MIPEP: variants seen among roughly 807,000 people sequenced by gnomAD.
The protein encoded by MIPEP is mitochondrial intermediate peptidase.
Under a neutral mutation model 90.3 loss-of-function variants are expected in MIPEP, and 79 were observed. That is an observed-to-expected ratio of 0.87 (90% confidence interval 0.73 to 1.05). The LOEUF is 1.05. Among genes scored for constraint, MIPEP ranks in the 50% least tolerant of loss-of-function variants. The probability of loss-of-function intolerance (pLI) is 0.00; values close to 1 mark genes in which losing one functional copy is unlikely to be tolerated. For missense variants in MIPEP, 940 were observed against 905.6 expected, an observed-to-expected ratio of 1.04 and a Z score of -0.49; for synonymous variants, 334 against 315.8, an observed-to-expected ratio of 1.06 and a Z score of -0.61.
At chr13:23,760,280 T>A (rs1952528209) in intron 16 of MIPEP, 63 bp from the exon 17 acceptor site, 2 of 1,608,390 alleles carry the variant, frequency 1.2e-6, no homozygotes, top group South Asian at 1.1e-5. Flanking sequence ...GAATATCACA[T>A]GTGAGAACAC....
chr13:23,730,499 C>A lies in MIPEP; in HGVS notation c.2045-54G>T, dbSNP rs577659623. The A allele has an allele frequency of 3.9e-5, 46 of 1,171,000 alleles. No individual in the cohort carries two copies. The East Asian group carries it at 1.1e-3, about 27-fold the overall frequency. 72.5% of individuals were successfully genotyped at this position (1,171,000 alleles called of 1,614,324 possible). A position where few individuals can be genotyped will look rare whatever the true frequency, so the allele number is the denominator to read the frequency against. ...GTTCACCAGGAGGCAACAGGAAGCA[C>A]AAAGACACAAAATCAAATCCACACA... On this transcript the variant is annotated intron_variant, in intron 18 of 18. Transcript: ENST00000382172.
intron 18 of MIPEP, among the ~76,000 whole-genome samples, chr13:23,756,177 G>A (rs889587913): frequency 1.3e-5 from 2 of 152,194 alleles, no homozygotes; most frequent in East Asian, 1.9e-4. Flanking sequence ...GTTTTGAGAA[G>A]GAGTTTTGCT....
At chr13:23,845,915 GT>G (rs1451824506) in intron 10 of MIPEP, among the ~76,000 whole-genome samples, 1 of 147,290 alleles carries the variant, frequency 6.8e-6, no homozygotes, top group Non-Finnish European at 1.5e-5. Flanking sequence ...TTTCTCTATT[GT>G]TTTTAATTTT....
chr13:23,845,349 G>A (rs1869490229), intron 10 of MIPEP, among the ~76,000 whole-genome samples: 2 of 152,162 alleles, frequency 1.3e-5, no homozygotes, highest in South Asian at 4.1e-4. Context: ...ATGAGAGCCT[G>A]AAGCATCAAT....
chr13:23,815,745 C>A (rs1347382564), intron 14 of MIPEP, among the ~76,000 whole-genome samples: 1 of 152,154 alleles, frequency 6.6e-6, no homozygotes, highest in Non-Finnish European at 1.5e-5. Flanking sequence ...AAAAACCCCA[C>A]AATGAAATAA....
intron 16 of MIPEP, among the ~76,000 whole-genome samples, chr13:23,772,653 C>T (rs1952665805): frequency 6.6e-6 from 1 of 152,176 alleles, no homozygotes; most frequent in Admixed American, 6.5e-5. Context: ...TGAATGACAA[C>T]TTGTTGAAGG....
At chr13:23,751,277 G>A (rs1214780277) in intron 18 of MIPEP, among the ~76,000 whole-genome samples, 6 of 152,332 alleles carry the variant, frequency 3.9e-5, no homozygotes, top group South Asian at 4.1e-4. Context: ...GCAAAAGCGA[G>A]TGTGTTTGGC....
intron 16 of MIPEP, among the ~76,000 whole-genome samples, chr13:23,773,715 G>A (rs1306496268): frequency 1.3e-5 from 2 of 152,302 alleles, no homozygotes; most frequent in East Asian, 1.9e-4. Context: ...TAATGATGCT[G>A]AACATCTTTT....
intron 5 of MIPEP, 22 bp downstream of exon 5, chr13:23,874,822 CAA>C (rs750794496): frequency 1.3e-6 from 2 of 1,567,146 alleles, no homozygotes; most frequent in Admixed American, 4.1e-5. Flanking sequence ...CTGGAAGAGT[CAA>C]AAAAACAGCA....
At chr13:23,732,399 A>T (rs898330248) in intron 18 of MIPEP, among the ~76,000 whole-genome samples, 1 of 152,144 alleles carries the variant, frequency 6.6e-6, no homozygotes, top group Non-Finnish European at 1.5e-5. Flanking sequence ...ACGAAACTAA[A>T]CATAGACCTA....
intron 15 of MIPEP, among the ~76,000 whole-genome samples, chr13:23,807,343 C>A (rs1953122259): frequency 6.6e-6 from 1 of 152,142 alleles, no homozygotes; most frequent in Non-Finnish European, 1.5e-5. Flanking sequence ...TTTTAAAGGA[C>A]AAATTTTGAC....
At chr13:23,881,398 C>A (rs531577105) in intron 3 of MIPEP, among the ~76,000 whole-genome samples, 1 of 152,184 alleles carries the variant, frequency 6.6e-6, no homozygotes, top group Non-Finnish European at 1.5e-5. Context: ...TCAAGTGACA[C>A]CTTTACATTG....
chr13:23,788,408 A>G (rs888693418), intron 16 of MIPEP, among the ~76,000 whole-genome samples: 1 of 152,192 alleles, frequency 6.6e-6, no homozygotes, highest in African/African-American at 2.4e-5. Context: ...TCGCACTATC[A>G]GTATTTAGGA....
intron 18 of MIPEP, among the ~76,000 whole-genome samples, chr13:23,752,115 C>T (rs1416321863): frequency 1.3e-5 from 2 of 152,006 alleles, no homozygotes; most frequent in East Asian, 3.9e-4. Context: ...AAAATAGGGA[C>T]AATATGACCT....
intron 7 of MIPEP, among the ~76,000 whole-genome samples, chr13:23,866,482 T>A (rs981914587): frequency 5.3e-5 from 8 of 152,160 alleles, no homozygotes; most frequent in Non-Finnish European, 1.5e-5. Context: ...TCCACGCTGC[T>A]ACAGCCAGTG....
chr13:23,820,869 C>T (rs1308269757), intron 14 of MIPEP, among the ~76,000 whole-genome samples: 2 of 152,206 alleles, frequency 1.3e-5, no homozygotes, highest in African/African-American at 4.8e-5. Flanking sequence ...ATGGATAGAG[C>T]ACAGAAGGTG....
At chr13:23,881,844 G>T in intron 2 of MIPEP, 57 bp from the exon 3 acceptor site, 1 of 1,367,140 alleles carries the variant, frequency 7.3e-7, no homozygotes, top group Non-Finnish European at 1.0e-6. Flanking sequence ...TTTCTTCCAG[G>T]ATCTGAGGGT....
At chr13:23,760,497 G>C (rs774583849) in intron 16 of MIPEP, 1 of 615,052 alleles carries the variant, frequency 1.6e-6, no homozygotes, top group South Asian at 1.4e-5. Context: ...TTAAGTAAAA[G>C]TGAAGCTCTT....
intron 16 of MIPEP, among the ~76,000 whole-genome samples, chr13:23,779,115 C>T (rs561701021): frequency 6.6e-6 from 1 of 152,294 alleles, no homozygotes; most frequent in Non-Finnish European, 1.5e-5. Flanking sequence ...ATAGGTCAAA[C>T]CAGAAACATG....
Sources: allele counts gnomAD v4.1 joint callset (sites outside exome capture counted in the v4.1 genomes callset), GRCh38; gene constraint gnomAD v4.1.1; transcripts MANE v1.5; gene names NCBI Gene and HGNC (gene_info 2026-07-23, HGNC 2026-07-21).